Variants in KLHL32 observed in about 807,000 individuals in gnomAD.
The protein encoded by KLHL32 is kelch-like protein 32.
KLHL32 carries 35 observed loss-of-function variants against 64.8 expected under a neutral mutation model. The observed-to-expected ratio is 0.54, with a 90% CI of 0.41 to 0.72. KLHL32 has a LOEUF of 0.72. Ranked by LOEUF, KLHL32 falls within the 30% of genes least tolerant of loss-of-function variation. The pLI is 0.00. For missense variants in KLHL32, 589 were observed against 768.5 expected, an observed-to-expected ratio of 0.77 and a Z score of 2.76; for synonymous variants, 259 against 281.0, an observed-to-expected ratio of 0.92 and a Z score of 0.78.
At chr6:97,120,586 C>T (rs535712234) in intron 7 of KLHL32, among the ~76,000 whole-genome samples, 1 of 152,298 alleles carries the variant, frequency 6.6e-6, no homozygotes, top group South Asian at 2.1e-4. Flanking sequence ...CCAGAGAATC[C>T]TCCTGGAAGG....
chr6:96,926,348 T>C (rs1769160040), intron 1 of KLHL32, among the ~76,000 whole-genome samples: 2 of 152,112 alleles, frequency 1.3e-5, no homozygotes, highest in Admixed American at 1.3e-4. Flanking sequence ...ATGACAGAGG[T>C]AGATAGAGGG....
chr6:97,132,815 C>T, intron 10 of KLHL32, 68 bp downstream of exon 10: 1 of 1,066,654 alleles, frequency 9.4e-7, no homozygotes, highest in Middle Eastern at 2.1e-4. Context: ...TGCAATGCTG[C>T]TACTGAAGAA....
intron 10 of KLHL32, among the ~76,000 whole-genome samples, chr6:97,137,486 C>T (rs1042728301): frequency 2.0e-5 from 3 of 152,066 alleles, no homozygotes; most frequent in African/African-American, 7.2e-5. Context: ...ACATGGATCC[C>T]CAAATTTCAA....
At chr6:97,027,835 A>G (rs1782957102) in intron 3 of KLHL32, among the ~76,000 whole-genome samples, 1 of 152,140 alleles carries the variant, frequency 6.6e-6, no homozygotes, top group Admixed American at 6.5e-5. Flanking sequence ...ACATTTTATG[A>G]CTCCGAGAAT....
chr6:96,972,602 G>C (rs1276658172), intron 2 of KLHL32, among the ~76,000 whole-genome samples: 1 of 152,158 alleles, frequency 6.6e-6, no homozygotes, highest in Non-Finnish European at 1.5e-5. Context: ...CCAGTTTTAG[G>C]ATGACACTCA....
intron 1 of KLHL32, among the ~76,000 whole-genome samples, chr6:96,962,932 AT>A (rs1349350541): frequency 6.6e-6 from 1 of 152,224 alleles, no homozygotes; most frequent in Non-Finnish European, 1.5e-5. Flanking sequence ...AAAGACTGAA[AT>A]TTGTGGTACT....
the KLHL32 span, among the ~76,000 whole-genome samples, chr6:96,907,776 A>G: frequency 3.9e-5 from 6 of 152,204 alleles, no homozygotes; most frequent in South Asian, 2.1e-4. Flanking sequence ...GAGTCAGATG[A>G]TAAGTGAAAT....
intron 1 of KLHL32, among the ~76,000 whole-genome samples, chr6:96,946,229 A>G (rs1468129746): frequency 6.6e-6 from 1 of 152,176 alleles, no homozygotes; most frequent in African/African-American, 2.4e-5. Flanking sequence ...GACCAATCTA[A>G]CCATTAAGAA....
intron 5 of KLHL32, among the ~76,000 whole-genome samples, chr6:97,078,745 T>A (rs1170556346): frequency 6.6e-6 from 1 of 152,138 alleles, no homozygotes; most frequent in Admixed American, 6.5e-5. Context: ...CTCATCTAGT[T>A]TTAAGAATGT....
At chr6:97,072,558 C>T (rs1790914206) in intron 5 of KLHL32, among the ~76,000 whole-genome samples, 2 of 66,582 alleles carry the variant, frequency 3.0e-5, no homozygotes, top group Admixed American at 2.1e-4. Flanking sequence ...TGTGCTATCT[C>T]TTTGGCTTTT....
intron 4 of KLHL32, among the ~76,000 whole-genome samples, chr6:97,049,121 A>T (rs1028040765): frequency 6.6e-6 from 1 of 152,236 alleles, no homozygotes; most frequent in African/African-American, 2.4e-5. Context: ...GAAACCTCAG[A>T]TAAGTACCAA....
chr6:97,085,259 T>C lies in KLHL32; in HGVS notation c.545T>C (p.Val182Ala), dbSNP rs1793224243. 2 of 1,613,876 alleles carry C rather than the reference T, an allele frequency of 1.2e-6. No homozygotes were observed. The highest frequency in any genetic ancestry group is 1.7e-6 in the Non-Finnish European group (2 of 1,180,018). Residue 182 changes from valine to alanine, a missense_variant, in exon 6 of 11, where the codon GTT becomes GCT. Physicochemically the swap from Val to Ala is moderately conservative, Grantham distance 64. Around this residue, in one of 3 missense-constraint regions of KLHL32, gnomAD observed 191 missense variants for 223.3 expected, o/e 0.86. Coordinates refer to ENST00000369261, the MANE Select transcript of KLHL32 (RefSeq NM_052904.4). ...SELLKSRPEE[V>A]LTLPYCLLQE... Reference sequence around the variant, plus strand: ...CTCCTGAAGAGCCGCCCAGAAGAAGTTCTAACGCTTCCCTATTGCCTGCTT... The same window carrying C: ...CTCCTGAAGAGCCGCCCAGAAGAAGCTCTAACGCTTCCCTATTGCCTGCTT...
At chr6:96,958,097 CAA>C (rs200539020) in intron 1 of KLHL32, among the ~76,000 whole-genome samples, 3,445 of 152,156 alleles carry the variant, frequency 0.023, 135 homozygotes, top group African/African-American at 0.08. Flanking sequence ...AACTGGGAAA[CAA>C]AAGAGAACAA....
At chr6:97,065,281 C>T (rs1789560608) in intron 5 of KLHL32, among the ~76,000 whole-genome samples, 1 of 152,210 alleles carries the variant, frequency 6.6e-6, no homozygotes, top group Non-Finnish European at 1.5e-5. Flanking sequence ...AACCCCCGAA[C>T]ACCAAGCACT....
At chr6:96,953,040 AGGCTG>A (rs1402516135) in intron 1 of KLHL32, among the ~76,000 whole-genome samples, 1 of 152,080 alleles carries the variant, frequency 6.6e-6, no homozygotes, top group Non-Finnish European at 1.5e-5. Context: ...GTTCCTGGGG[AGGCTG>A]ATTTGAGTAA....
upstream of KLHL32, among the ~76,000 whole-genome samples, chr6:96,919,746 A>G (rs1562157036): frequency 6.6e-6 from 1 of 152,198 alleles, no homozygotes; most frequent in South Asian, 2.1e-4. Context: ...AATAAACAGT[A>G]CAGAAAGGTA....
rs373621810 is a variant in KLHL32, at chr6:96,969,401, TTCC to T, written c.23+2321_23+2323del. Among the ~76,000 whole-genome samples the T allele has an allele frequency of 3.6e-4, 55 of 152,304 alleles. No individual in the cohort carries two copies. The East Asian group carries it at 9.5e-3, about 26-fold the overall frequency. ...TCTACCAACCCATCCAGTCTTTCCT[TTCC>T]TCATTTTCCTTCTTAAGCAGTTTAG... On this transcript the variant is annotated intron_variant, in intron 2 of 10. Transcript: ENST00000369261.
At chr6:97,009,046 T>G (rs6917306) in intron 3 of KLHL32, among the ~76,000 whole-genome samples, 37,156 of 151,810 alleles carry the variant, frequency 0.24, 5,878 homozygotes, top group East Asian at 0.53. Flanking sequence ...TGGCTTTATA[T>G]CATTAAGTTT....
intron 3 of KLHL32, among the ~76,000 whole-genome samples, chr6:96,984,509 C>T (rs1231948745): frequency 6.6e-6 from 1 of 152,148 alleles, no homozygotes. Flanking sequence ...GTGTGGGAGT[C>T]TAAGTCTCTT....
Sources: allele counts gnomAD v4.1 joint callset (sites outside exome capture counted in the v4.1 genomes callset), GRCh38; gene constraint gnomAD v4.1.1; regional missense constraint gnomAD v4.1.1; transcripts MANE v1.5; gene names NCBI Gene and HGNC (gene_info 2026-07-23, HGNC 2026-07-21).